The following CDK5RAP1 variants were observed in gnomAD, a reference collection of about 807,000 sequenced individuals.
CDK5RAP1 encodes CDK5RAP1 mitochondrial tRNA methylthiotransferase.
Under a neutral mutation model 64.5 loss-of-function variants are expected in CDK5RAP1, and 62 were observed. That is an observed-to-expected ratio of 0.96 (90% CI 0.78 to 1.19). The LOEUF is 1.19. Ranked by LOEUF, CDK5RAP1 falls within the 50% of genes most tolerant of loss-of-function variation. CDK5RAP1 has a pLI of 0.00. For synonymous variants in CDK5RAP1, 250 were observed against 261.9 expected (o/e 0.95, Z 0.44); for missense variants, 657 against 735.0 (o/e 0.89, Z 1.23).
At chr20:33,389,937 ATT>A (rs34440890) in intron 5 of CDK5RAP1, among the ~76,000 whole-genome samples, 3 of 145,052 alleles carry the variant, frequency 2.1e-5, no homozygotes, top group Non-Finnish European at 1.5e-5. Context: ...ACACAATGGA[ATT>A]TTTTTTTTTT....
At chr20:33,368,583 A>G (rs1050503342) in intron 11 of CDK5RAP1, among the ~76,000 whole-genome samples, 6 of 150,426 alleles carry the variant, frequency 4.0e-5, no homozygotes, top group African/African-American at 1.5e-4. Flanking sequence ...ATTAAAAAGA[A>G]TTTCTCAGGC....
At chr20:33,378,418 T>C (rs141165426) in intron 8 of CDK5RAP1, among the ~76,000 whole-genome samples, 165 of 152,266 alleles carry the variant, frequency 1.1e-3, no homozygotes, top group African/African-American at 3.7e-3. Context: ...TGATCACAGA[T>C]CACCATAACA....
intron 7 of CDK5RAP1, among the ~76,000 whole-genome samples, chr20:33,380,806 G>C (rs1393884958): frequency 6.6e-6 from 1 of 152,102 alleles, no homozygotes; most frequent in Non-Finnish European, 1.5e-5. Context: ...GTTCAGACCA[G>C]CCTGGCTAAC....
At chr20:33,385,805 G>C (rs763719949) in intron 6 of CDK5RAP1, 35 bp from the exon 7 acceptor site, 18 of 1,593,956 alleles carry the variant, frequency 1.1e-5, no homozygotes, top group Non-Finnish European at 1.5e-5. Context: ...AGTAACAGTA[G>C]CAGGGTGTGC....
chr20:33,367,077 C>CATGGTCCCCCTCTGTGCATTA, intron 11 of CDK5RAP1, 69 bp from the exon 12 acceptor site: 1 of 1,468,878 alleles, frequency 6.8e-7, no homozygotes, highest in Non-Finnish European at 9.3e-7. Context: ...TCTTAATGCA[C>CATGGTCCCCCTCTGTGCATTA]AGAGGGCGAC....
intron 6 of CDK5RAP1, among the ~76,000 whole-genome samples, chr20:33,386,274 C>T (rs1430576657): frequency 6.6e-6 from 1 of 152,182 alleles, no homozygotes; most frequent in Admixed American, 6.6e-5. Context: ...ATGTTGGCCA[C>T]GATGGTCTCG....
chr20:33,368,676 C>T (rs1200468138), intron 11 of CDK5RAP1, among the ~76,000 whole-genome samples: 6 of 151,510 alleles, frequency 4.0e-5, no homozygotes, highest in Admixed American at 6.6e-5. Flanking sequence ...GTTTGAGACC[C>T]ACCTGACCAA....
At chr20:33,365,974 C>G (rs141388097) in intron 12 of CDK5RAP1, among the ~76,000 whole-genome samples, 37 of 152,306 alleles carry the variant, frequency 2.4e-4, no homozygotes, top group Non-Finnish European at 4.0e-4. Flanking sequence ...CCTTGAAAAA[C>G]CCATTTATTC....
chr20:33,389,318 G>A (rs1229725112), intron 5 of CDK5RAP1, among the ~76,000 whole-genome samples: 3 of 145,322 alleles, frequency 2.1e-5, no homozygotes, highest in Admixed American at 1.4e-4. Context: ...CGGCCGCCCC[G>A]TCTGAGAAGT....
At chr20:33,383,302 T>C (rs991122807) in intron 7 of CDK5RAP1, among the ~76,000 whole-genome samples, 6 of 151,408 alleles carry the variant, frequency 4.0e-5, no homozygotes, top group Non-Finnish European at 8.8e-5. Context: ...GAAATACGTT[T>C]TCAATAAGAA....
rs1265713840 is a variant in CDK5RAP1 at position 33,396,849 on chromosome 20, G to A, written c.216C>T (p.Ala72=). 7 of 1,613,976 alleles carry A rather than the reference G, an allele frequency of 4.3e-6. No homozygotes were observed. The highest frequency in any genetic ancestry group is 5.9e-6 in the Non-Finnish European group (7 of 1,179,948). ...GPTFQHFLKS[A]SAPQEKLSSE... ...AAGACAGCTTCTCCTGAGGAGCTGA[G>A]GCACTTTTTAAAAAATGTTGAAAAG... Residue 72 remains alanine (A), a synonymous_variant, in exon 2 of 14, where the codon GCC becomes GCT. Transcript: ENST00000346416.
At chr20:33,394,758 T>A (rs1283313787) in intron 3 of CDK5RAP1, among the ~76,000 whole-genome samples, 2 of 152,188 alleles carry the variant, frequency 1.3e-5, no homozygotes, top group Non-Finnish European at 2.9e-5. Flanking sequence ...CCTGTACTCG[T>A]TAAACAGTAA....
chr20:33,387,337 G>C lies in CDK5RAP1; in HGVS notation c.741C>G (p.Ala247=), dbSNP rs761476987. ...DVMPVQTSAS[A]TSAFVSIMRG... ...CAGTGACTCACACAAAGGCAGACGT[G>C]GCACTGGCGCTTGTCTGGACTGGCA... Residue 247 remains alanine, a synonymous_variant, in exon 6 of 14, where the codon GCC becomes GCG. Transcript: ENST00000346416. The C allele has an allele frequency of 1.9e-6, 3 of 1,613,518 alleles. No homozygotes were observed. The highest frequency in any genetic ancestry group is 4.5e-5 in the East Asian group (2 of 44,882).
intron 8 of CDK5RAP1, among the ~76,000 whole-genome samples, chr20:33,376,881 G>A (rs189820008): frequency 7.2e-4 from 110 of 152,216 alleles, no homozygotes; most frequent in Admixed American, 2.0e-3. Flanking sequence ...TAGGAGTTTG[G>A]AAGATACTGA....
rs158675 is a variant in CDK5RAP1 at position 33,393,955 on chromosome 20, C to T, written c.443+77G>A. ...GGGGCCACTGGCTCATCTCCATAGA[C>T]AGCCAGGCCAGGCACTGTTAGCTCT... On this transcript the variant is annotated intron_variant, in intron 4 of 13. Transcript: ENST00000346416. 4.9e-4 allele frequency: 513 copies of T among 1,040,330 alleles called. 3 individuals carry two copies. In the African/African-American group the frequency reaches 7.1e-3, roughly 14 times the overall value. 64.4% of individuals were successfully genotyped at this position (1,040,330 alleles called of 1,614,324 possible). A position where few individuals can be genotyped will look rare whatever the true frequency, so the allele number is the denominator to read the frequency against.
intron 5 of CDK5RAP1, among the ~76,000 whole-genome samples, chr20:33,388,934 T>A (rs1987870517): frequency 6.6e-6 from 1 of 152,290 alleles, no homozygotes; most frequent in Admixed American, 6.5e-5. Flanking sequence ...GTGCTCAATG[T>A]TGCCAGGCTG....
Position 33,392,244 on chromosome 20 carries a change from TAG to T in CDK5RAP1, c.444-4_444-3del, listed in dbSNP as rs1353440062. The T allele has an allele frequency of 1.6e-5, 25 of 1,601,838 alleles. No homozygotes were observed. Among genetic ancestry groups the T allele is most frequent in the East Asian group, 2.2e-5 (1 of 44,808 alleles). Reference sequence around the variant, plus strand: ...CAGATGGTCTGCTCAGCCTTCTCCCTAGAGAGATCAAAGGAGGCAAGACTGAA... The same window carrying T: ...CAGATGGTCTGCTCAGCCTTCTCCCTAGAGATCAAAGGAGGCAAGACTGAA... On this transcript the variant is annotated splice_region_variant and splice_polypyrimidine_tract_variant and intron_variant, in intron 4 of 13. Transcript: ENST00000346416.
chr20:33,392,006 G>GT, intron 5 of CDK5RAP1, 136 bp downstream of exon 5: 2 of 628,210 alleles, frequency 3.2e-6, no homozygotes, highest in Middle Eastern at 3.7e-4. Flanking sequence ...ACCTCTGGCA[G>GT]TAAGTACAAG....
chr20:33,386,614 G>A (rs1345922374), intron 6 of CDK5RAP1, among the ~76,000 whole-genome samples: 2 of 152,156 alleles, frequency 1.3e-5, no homozygotes, highest in Non-Finnish European at 2.9e-5. Flanking sequence ...CATCCTGTAT[G>A]TGAAAGCCTC....
Sources: allele counts gnomAD v4.1 joint callset (sites outside exome capture counted in the v4.1 genomes callset), GRCh38; gene constraint gnomAD v4.1.1; transcripts MANE v1.5; gene names NCBI Gene and HGNC (gene_info 2026-07-23, HGNC 2026-07-21).